LGR5: variants seen among roughly 807,000 people sequenced by gnomAD.
LGR5 encodes the protein leucine rich repeat containing G protein-coupled receptor 5, also known as leucine-rich repeat-containing G protein-coupled receptor 5.
LGR5 carries 54 observed loss-of-function variants against 76.7 expected under a neutral mutation model. The observed-to-expected ratio is 0.70, with a 90% confidence interval of 0.57 to 0.88. The LOEUF (loss-of-function observed/expected upper bound fraction) is 0.88. Among genes scored for constraint, LGR5 ranks in the 40% least tolerant of loss-of-function variants. LGR5 has a pLI of 0.00. For synonymous variants in LGR5, 406 were observed against 421.9 expected (o/e 0.96, Z 0.46); for missense variants, 1,078 against 1,073.3 (o/e 1.00, Z -0.06).
In LGR5 at chr12:71,492,492, G is replaced by T. The variant is rs556581536; in HGVS notation, c.213-12122G>T. 2.0e-5 allele frequency among the ~76,000 whole-genome samples: 3 copies of T among 152,284 alleles called. No homozygotes were observed. The East Asian group carries it at 5.8e-4, about 29-fold the overall frequency. On this transcript the variant is annotated intron_variant, in intron 1 of 17. Transcript: ENST00000266674. ...GTTTATTAGGGTGGGGTTTAAAGTG[G>T]ATAAGGTGGTTCCAGTATCCACCAA...
At chr12:71,503,484 T>C (rs10506634) in intron 1 of LGR5, among the ~76,000 whole-genome samples, 14,206 of 152,222 alleles carry the variant, frequency 0.093, 709 homozygotes, top group Non-Finnish European at 0.11. Flanking sequence ...ATTATTGTGA[T>C]TTTTTAAAGG....
chr12:71,463,312 C>A (rs1298413897), intron 1 of LGR5, among the ~76,000 whole-genome samples: 4 of 152,190 alleles, frequency 2.6e-5, no homozygotes, highest in Non-Finnish European at 5.9e-5. Flanking sequence ...AGCTCCACAG[C>A]TTTAGGAAGT....
In LGR5 at chr12:71,584,800, A is replaced by C. The variant is rs1010720346; in HGVS notation, c.*66A>C. ...GAAAATGTGAGATTGAGTATATCAG[A>C]GCAGTAATTAATAAGAAGAGCTGAG... On this transcript the variant is annotated 3_prime_UTR_variant, in exon 18 of 18. Coordinates refer to ENST00000266674, the MANE Select transcript of LGR5 (RefSeq NM_003667.4). The C allele has an allele frequency of 1.2e-5, 17 of 1,476,504 alleles. No homozygotes were observed. The Admixed American group carries it at 2.1e-4, about 18-fold the overall frequency. 91.5% of individuals were successfully genotyped at this position (1,476,504 alleles called of 1,614,324 possible).
intron 1 of LGR5, among the ~76,000 whole-genome samples, chr12:71,480,999 C>T (rs907413623): frequency 9.2e-5 from 14 of 152,316 alleles, no homozygotes; most frequent in Non-Finnish European, 1.3e-4. Context: ...AACATTTAGG[C>T]TCCATTCTTC....
chr12:71,480,684 G>A (rs1445541748), intron 1 of LGR5, among the ~76,000 whole-genome samples: 1 of 152,160 alleles, frequency 6.6e-6, no homozygotes, highest in Non-Finnish European at 1.5e-5. Flanking sequence ...CTATGGAAAG[G>A]TTTAGAGAGA....
chr12:71,531,232 C>T (rs1876292988), intron 3 of LGR5, among the ~76,000 whole-genome samples: 1 of 152,098 alleles, frequency 6.6e-6, no homozygotes, highest in Admixed American at 6.6e-5. Context: ...ATTGCATGTA[C>T]TCAGTAAGGA....
intron 1 of LGR5, among the ~76,000 whole-genome samples, chr12:71,474,533 C>T (rs983389854): frequency 1.1e-4 from 17 of 152,152 alleles, no homozygotes; most frequent in Admixed American, 3.3e-4. Flanking sequence ...ATTTTAAAAT[C>T]GACCCAGTAA....
At chr12:71,583,562 C>A in intron 17 of LGR5, 85 bp from the exon 18 acceptor site, 2 of 1,455,914 alleles carry the variant, frequency 1.4e-6, no homozygotes, top group Non-Finnish European at 1.9e-6. Context: ...CTCTTGGCAT[C>A]CTAAATAAAG....
At chr12:71,478,373 A>G (rs1208792907) in intron 1 of LGR5, among the ~76,000 whole-genome samples, 2 of 152,188 alleles carry the variant, frequency 1.3e-5, no homozygotes, top group Admixed American at 1.3e-4. Flanking sequence ...TGTTATTGGG[A>G]GCTAAAATGA....
intron 8 of LGR5, among the ~76,000 whole-genome samples, chr12:71,563,849 A>AGTGT (rs147621030): frequency 1.7e-3 from 249 of 146,466 alleles, no homozygotes; most frequent in African/African-American, 6.0e-3. Context: ...ATACCTGCCC[A>AGTGT]GTGTGTGTGT....
At chr12:71,567,700 T>C (rs926404861) in intron 11 of LGR5, among the ~76,000 whole-genome samples, 1 of 152,198 alleles carries the variant, frequency 6.6e-6, no homozygotes, top group African/African-American at 2.4e-5. Context: ...TGGCTGCCTC[T>C]GTGATTCTGC....
intron 11 of LGR5, among the ~76,000 whole-genome samples, chr12:71,567,820 A>G (rs1795462): frequency 0.88 from 134,031 of 152,094 alleles, 61,042 homozygotes; most frequent in East Asian, 1. Flanking sequence ...ACATCTGAAG[A>G]AAGGGAGTAT....
At chr12:71,461,063 T>C (rs1872666549) in intron 1 of LGR5, among the ~76,000 whole-genome samples, 1 of 152,190 alleles carries the variant, frequency 6.6e-6, no homozygotes. Context: ...ATTTGGAGGT[T>C]ATAATCTGTC....
chr12:71,511,539 C>T (rs552589851), intron 2 of LGR5, among the ~76,000 whole-genome samples: 9 of 152,206 alleles, frequency 5.9e-5, no homozygotes, highest in African/African-American at 1.7e-4. Flanking sequence ...TGTAAAACCA[C>T]GCATCTCTGG....
intron 2 of LGR5, among the ~76,000 whole-genome samples, chr12:71,518,922 A>G (rs1219651089): frequency 2.0e-5 from 3 of 152,200 alleles, no homozygotes; most frequent in Non-Finnish European, 4.4e-5. Flanking sequence ...TCTGTACAAC[A>G]AACCCCCATT....
At chr12:71,532,404 A>T (rs1453447349) in intron 3 of LGR5, among the ~76,000 whole-genome samples, 2 of 152,180 alleles carry the variant, frequency 1.3e-5, no homozygotes, top group African/African-American at 2.4e-5. Flanking sequence ...CTTTATTCCT[A>T]AGGAACCAAT....
At chr12:71,482,455 TC>T (rs1873650166) in intron 1 of LGR5, among the ~76,000 whole-genome samples, 1 of 152,100 alleles carries the variant, frequency 6.6e-6, no homozygotes, top group South Asian at 2.1e-4. Flanking sequence ...GTCCAAATTT[TC>T]TCCTTATAAG....
intron 2 of LGR5, among the ~76,000 whole-genome samples, chr12:71,507,875 C>G (rs1874935395): frequency 6.6e-6 from 1 of 152,168 alleles, no homozygotes; most frequent in Middle Eastern, 3.4e-3. Flanking sequence ...GAAACTGCCA[C>G]TGACACTATC....
intron 8 of LGR5, among the ~76,000 whole-genome samples, chr12:71,562,158 T>A (rs1878092781): frequency 6.6e-6 from 1 of 152,208 alleles, no homozygotes; most frequent in Middle Eastern, 3.2e-3. Flanking sequence ...TTTAGAGCAT[T>A]AATGTCAAGT....
Sources: gnomAD v4.1 joint callset for allele counts (sites outside exome capture counted in the v4.1 genomes callset) on GRCh38, gnomAD v4.1.1 for gene constraint, MANE v1.5 for transcripts, NCBI Gene and HGNC (gene_info 2026-07-23, HGNC 2026-07-21) for gene names.